Variants in ELF1 observed in about 807,000 individuals in gnomAD.
ELF1 encodes the protein ETS-related transcription factor Elf-1.
ELF1 carries 24 observed loss-of-function variants against 59.9 expected under a neutral mutation model. The ratio of observed to expected loss-of-function variants is 0.40; its 90% CI spans 0.29 to 0.56. ELF1 has a LOEUF of 0.56. Ranked by LOEUF, ELF1 falls within the 20% of genes least tolerant of loss-of-function variation. The pLI is 0.44. For missense variants in ELF1, 627 were observed against 742.2 expected (o/e 0.84, Z 1.80); for synonymous variants, 248 against 266.2 (o/e 0.93, Z 0.67).
intron 1 of ELF1, among the ~76,000 whole-genome samples, chr13:40,989,995 C>T (rs1358292213): frequency 6.6e-6 from 1 of 150,734 alleles, no homozygotes; most frequent in African/African-American, 2.5e-5. Flanking sequence ...TTATTGTCCA[C>T]TAATAAACAT....
chr13:40,955,358 A>G (rs1179411940), intron 3 of ELF1, among the ~76,000 whole-genome samples: 55 of 130,470 alleles, frequency 4.2e-4, no homozygotes, highest in African/African-American at 1.4e-3. Context: ...CAGCCGCCCC[A>G]TCCGGGAGGG....
chr13:41,019,949 A>G (rs1341322480), upstream of ELF1, among the ~76,000 whole-genome samples: 3 of 152,380 alleles, frequency 2.0e-5, no homozygotes, highest in South Asian at 6.2e-4. Context: ...TTAAAGTCCA[A>G]CAAAGCAAAA....
rs764119343 is a variant in ELF1 at position 40,949,869 on chromosome 13, C to A, written c.466G>T (p.Val156Leu). The A allele has an allele frequency of 8.1e-6, 13 of 1,613,988 alleles. No homozygotes were observed. Among genetic ancestry groups the A allele is most frequent in the Non-Finnish European group, 1.0e-5 (12 of 1,180,032 alleles). The part of the protein sequence containing the change: ...GIPEVMETQQ[V>L]QEKYADSPGA... ...GGTGAGTCTGCATATTTTTCTTGCA[C>A]CTGCTGTGTTTCCATCACTTCAGGA... The change falls in exon 5 of 9, where the codon GTG becomes TTG. Residue 156 changes from valine (V) to leucine (L), a missense_variant. Around this residue, in one of 3 missense-constraint regions of ELF1, gnomAD observed 232 missense variants for 269.2 expected, o/e 0.86. Transcript: ENST00000239882.
intron 1 of ELF1, among the ~76,000 whole-genome samples, chr13:40,984,667 C>T (rs1271161899): frequency 3.3e-5 from 5 of 152,170 alleles, no homozygotes; most frequent in Admixed American, 2.0e-4. Context: ...ACTATTATCA[C>T]AAGCTTGAAA....
rs557352204 is a variant in ELF1, at chr13:41,057,411, C to T, written c.-229+3427G>A. Among the ~76,000 whole-genome samples, 6 of 151,824 alleles carry T rather than the reference C, an allele frequency of 4.0e-5. No homozygotes were observed. The South Asian group carries it at 6.2e-4, about 16-fold the overall frequency. The stretch of plus-strand genomic sequence containing the variant: ...TTTTCTCTTTTTTTTCCCCCCACCC[C>T]GAGATGGAGTCTCTCTCTGTCTCCA... On this transcript the variant is annotated intron_variant, in intron 1 of 1. Coordinates refer to the ELF1 transcript ENST00000405737.
chr13:40,976,452 T>C (rs1371196686), intron 2 of ELF1, among the ~76,000 whole-genome samples: 2 of 152,224 alleles, frequency 1.3e-5, no homozygotes, highest in Non-Finnish European at 2.9e-5. Context: ...TTTGCATTTA[T>C]CTGTGTTACA....
At chr13:40,984,200 C>T (rs896826937) in intron 1 of ELF1, among the ~76,000 whole-genome samples, 4 of 152,210 alleles carry the variant, frequency 2.6e-5, no homozygotes, top group Non-Finnish European at 5.9e-5. Context: ...AAAATTTCTT[C>T]TGTACCTCCC....
chr13:41,000,845 C>T (rs1212013171), intron 1 of ELF1, among the ~76,000 whole-genome samples: 2 of 149,564 alleles, frequency 1.3e-5, no homozygotes, highest in Non-Finnish European at 3.0e-5. Flanking sequence ...CTGACACGTC[C>T]TCAAGGAGAT....
At chr13:41,029,204 T>C (rs1876068039) in intron 1 of ELF1, among the ~76,000 whole-genome samples, 1 of 152,184 alleles carries the variant, frequency 6.6e-6, no homozygotes, top group African/African-American at 2.4e-5. Flanking sequence ...ATTGTCTCTA[T>C]TCGGAGATTA....
rs917070561 is a variant in ELF1, at chr13:41,028,978, C to T, written c.-229+31860G>A. Among the ~76,000 whole-genome samples the T allele has an allele frequency of 5.9e-5, 9 of 151,804 alleles. No homozygotes were observed. In the East Asian group the frequency reaches 1.3e-3, roughly 23 times the overall value. ...CAGGCTGGTCTCAAACTCCTGACCTCGTAATCTGCCTGCCTCGGCCTCCCA... is the reference window on the plus strand; with the variant it reads ...CAGGCTGGTCTCAAACTCCTGACCTTGTAATCTGCCTGCCTCGGCCTCCCA... On this transcript the variant is annotated intron_variant, in intron 1 of 1. Coordinates refer to the ELF1 transcript ENST00000405737.
chr13:41,041,435 T>G (rs1876605952), intron 1 of ELF1, among the ~76,000 whole-genome samples: 1 of 151,954 alleles, frequency 6.6e-6, no homozygotes, highest in Admixed American at 6.6e-5. Flanking sequence ...CCCCAGCACT[T>G]TGGGAGGCTG....
Position 40,954,174 on chromosome 13 carries a change from C to CA in ELF1, c.254-2739dup, listed in dbSNP as rs548729385. Among the ~76,000 whole-genome samples, 777 of 152,198 alleles carry CA rather than the reference C, an allele frequency of 5.1e-3. 8 individuals carry two copies. Among genetic ancestry groups the CA allele is most frequent in the African/African-American group, 0.018 (748 of 41,496 alleles). ...AAGGGAAAAGTAACTCTAGATTCAA[C>CA]AAAAAACTTTTATTGGTTTGCTCTG... On this transcript the variant is annotated intron_variant, in intron 3 of 8. Transcript: ENST00000239882.
At chr13:40,996,749 G>A (rs1874146832) in intron 1 of ELF1, among the ~76,000 whole-genome samples, 2 of 151,778 alleles carry the variant, frequency 1.3e-5, no homozygotes, top group African/African-American at 4.8e-5. Flanking sequence ...CAATTTTACT[G>A]TGAATCTAAA....
At chr13:41,058,440 G>A (rs1246064900) in intron 1 of ELF1, among the ~76,000 whole-genome samples, 1 of 152,164 alleles carries the variant, frequency 6.6e-6, no homozygotes, top group South Asian at 2.1e-4. Flanking sequence ...GAGCAGAACC[G>A]ATTCCTCACC....
chr13:40,956,435 GGAAGGCC>G (rs1203443735), intron 3 of ELF1, among the ~76,000 whole-genome samples: 1 of 151,988 alleles, frequency 6.6e-6, no homozygotes, highest in African/African-American at 2.4e-5. Flanking sequence ...CAAACACTGT[GGAAGGCC>G]GCAGGGTCCT....
intron 1 of ELF1, among the ~76,000 whole-genome samples, chr13:41,055,757 T>C (rs1877265388): frequency 6.6e-6 from 1 of 152,050 alleles, no homozygotes; most frequent in African/African-American, 2.4e-5. Context: ...CGATCATAGC[T>C]CACTGCAGCC....
intron 1 of ELF1, among the ~76,000 whole-genome samples, chr13:41,012,291 C>CGACA (rs1485433266): frequency 8.5e-6 from 1 of 116,988 alleles, no homozygotes; most frequent in Non-Finnish European, 1.6e-5. Flanking sequence ...CCAGCCTGAG[C>CGACA]GACAGAGCAA....
intron 1 of ELF1, among the ~76,000 whole-genome samples, chr13:41,024,470 T>C (rs1281129417): frequency 6.6e-6 from 1 of 152,186 alleles, no homozygotes; most frequent in African/African-American, 2.4e-5. Context: ...ACTACAGGCA[T>C]GCACCACAAT....
intron 2 of ELF1, among the ~76,000 whole-genome samples, chr13:40,976,824 C>A (rs934494439): frequency 6.6e-6 from 1 of 152,184 alleles, no homozygotes; most frequent in African/African-American, 2.4e-5. Context: ...GGATTACAGG[C>A]ATGAGCCACT....
Sources: allele counts gnomAD v4.1 joint callset (sites outside exome capture counted in the v4.1 genomes callset), GRCh38; gene constraint gnomAD v4.1.1; regional missense constraint gnomAD v4.1.1; transcripts MANE v1.5; gene names NCBI Gene and HGNC (gene_info 2026-07-23, HGNC 2026-07-21).